The following CACNG4 variants were observed in gnomAD, a reference collection of about 807,000 sequenced individuals.
CACNG4 encodes the protein voltage-dependent calcium channel gamma-4 subunit.
A neutral mutation model predicts 22.9 loss-of-function variants in CACNG4; 8 were observed. That is an observed-to-expected ratio of 0.35 (90% CI 0.21 to 0.63). The LOEUF (loss-of-function observed/expected upper bound fraction) is 0.63, where lower values mean the gene tolerates loss of function less well. CACNG4 is among the 30% of genes least tolerant of loss of function. CACNG4 has a pLI of 0.72. For synonymous variants in CACNG4, 188 were observed against 191.9 expected (o/e 0.98, Z 0.17); for missense variants, 357 against 455.4 (o/e 0.78, Z 1.97).
chr17:66,965,706 A>C (rs2143262992), intron 1 of CACNG4, among the ~76,000 whole-genome samples: 1 of 143,688 alleles, frequency 7.0e-6, no homozygotes, highest in South Asian at 2.3e-4. Flanking sequence ...GTGGGGGCAG[A>C]AGTAGGGGCA....
intron 1 of CACNG4, among the ~76,000 whole-genome samples, chr17:66,971,001 C>T (rs2035200745): frequency 6.6e-6 from 1 of 152,206 alleles, no homozygotes; most frequent in African/African-American, 2.4e-5. Flanking sequence ...GGCCTCAGGT[C>T]ACCAGACCCT....
Position 66,975,773 on chromosome 17 carries a change from G to C in CACNG4, c.220+10642G>C, listed in dbSNP as rs147577020. 4.3e-3 allele frequency among the ~76,000 whole-genome samples: 662 copies of C among 152,314 alleles called. 10 individuals carry two copies. Among genetic ancestry groups the C allele is most frequent in the Admixed American group, 0.022 (344 of 15,296 alleles). On this transcript the variant is annotated intron_variant, in intron 1 of 3. Coordinates refer to ENST00000262138, the MANE Select transcript of CACNG4 (RefSeq NM_014405.4). ...TTTCCTCACCTCTCAGAGGCAGGGC[G>C]TTCTGAATGGCTCCTGTGAACTGCA...
chr17:66,972,931 CA>C (rs1567749044), intron 1 of CACNG4, among the ~76,000 whole-genome samples: 1 of 124,034 alleles, frequency 8.1e-6, no homozygotes, highest in Non-Finnish European at 1.6e-5. Context: ...GTCTCAAAAA[CA>C]AAAACAAAAA....
rs549836560 is a variant in CACNG4, at chr17:67,030,229, T to C, written c.446-237T>C. Among the ~76,000 whole-genome samples the C allele has an allele frequency of 6.6e-6, 1 of 152,266 alleles. No homozygotes were observed. The highest frequency in any genetic ancestry group is 2.4e-5 in the African/African-American group (1 of 41,546). ...ACGAAAGAAGACAACAGTAGTTGCC[T>C]TAAAGAGGGGAACTGGGGGCTGAGA... On this transcript the variant is annotated intron_variant, in intron 3 of 3. Coordinates refer to ENST00000262138, the MANE Select transcript of CACNG4 (RefSeq NM_014405.4). The surrounding 1 kb of genome is among the most constrained non-coding windows in gnomAD (Gnocchi z 6.4).
intron 1 of CACNG4, among the ~76,000 whole-genome samples, chr17:66,974,896 G>A (rs1444103876): frequency 2.0e-5 from 3 of 152,050 alleles, no homozygotes; most frequent in African/African-American, 2.4e-5. Context: ...ATGGCTTTGC[G>A]GTGCATGGGC....
intron 1 of CACNG4, among the ~76,000 whole-genome samples, chr17:66,996,466 G>A (rs995595640): frequency 1.4e-5 from 2 of 143,000 alleles, no homozygotes; most frequent in East Asian, 2.1e-4. Flanking sequence ...TGCAACCTCC[G>A]CCTCCCAGGT....
Position 67,007,885 on chromosome 17 carries a change from T to C in CACNG4, c.221-10304T>C, listed in dbSNP as rs372822238. ...AGGGACCCAGGCTTCCTTCATCCCATGGCAGGTTGGGAGGGAGTGGAGATG... is the reference window on the plus strand; with the variant it reads ...AGGGACCCAGGCTTCCTTCATCCCACGGCAGGTTGGGAGGGAGTGGAGATG... On this transcript the variant is annotated intron_variant, in intron 1 of 3. Coordinates refer to ENST00000262138, the MANE Select transcript of CACNG4 (RefSeq NM_014405.4). 1.4e-4 allele frequency among the ~76,000 whole-genome samples: 22 copies of C among 152,240 alleles called. No individual in the cohort carries two copies. In the East Asian group the frequency reaches 4.2e-3, roughly 29 times the overall value.
intron 1 of CACNG4, among the ~76,000 whole-genome samples, chr17:66,987,469 A>C (rs976419156): frequency 6.6e-6 from 1 of 152,180 alleles, no homozygotes; most frequent in Non-Finnish European, 1.5e-5. Flanking sequence ...AGGAAAACAG[A>C]AACCACTCTG....
At chr17:66,985,969 GA>G (rs767097440) in intron 1 of CACNG4, among the ~76,000 whole-genome samples, 2,218 of 152,190 alleles carry the variant, frequency 0.015, 30 homozygotes, top group Middle Eastern at 0.052. Context: ...AGAAGAAGAA[GA>G]AGAAGGTTCC....
chr17:67,030,469 TCAG>T lies in CACNG4; in HGVS notation c.450_452del (p.Ser151del). ...CCGCTCCCCGCTTCCCTTTCAGGCC[TCAG>T]TAACATCATCGGTATCATCGTCTAC... On this transcript the variant is annotated inframe_deletion, in exon 4 of 4. Transcript: ENST00000262138. The surrounding 1 kb of genome is among the most constrained non-coding windows in gnomAD (Gnocchi z 6.4). 1 of 1,612,756 alleles carries T rather than the reference TCAG, an allele frequency of 6.2e-7. No homozygotes were observed. Among genetic ancestry groups the T allele is most frequent in the Non-Finnish European group, 8.5e-7 (1 of 1,178,976 alleles).
chr17:66,965,566 G>A (rs1345870997), intron 1 of CACNG4, among the ~76,000 whole-genome samples: 13 of 150,556 alleles, frequency 8.6e-5, no homozygotes, highest in East Asian at 6.0e-4. Flanking sequence ...GCGGACGGGA[G>A]GGGGGGAGGG....
chr17:67,002,073 T>C (rs1394124909), intron 1 of CACNG4, among the ~76,000 whole-genome samples: 1 of 152,164 alleles, frequency 6.6e-6, no homozygotes, highest in African/African-American at 2.4e-5. Context: ...CATACTGCTA[T>C]GAAGAAATAC....
intron 1 of CACNG4, among the ~76,000 whole-genome samples, chr17:66,978,967 G>A (rs2035254804): frequency 6.6e-6 from 1 of 152,210 alleles, no homozygotes; most frequent in Non-Finnish European, 1.5e-5. Flanking sequence ...CGGCCTTGAG[G>A]TTCAGTCTCT....
At position 67,031,927 on chromosome 17, in the gene CACNG4, G is replaced by A. The variant is rs568443116; in HGVS notation, c.*923G>A. On this transcript the variant is annotated 3_prime_UTR_variant, in exon 4 of 4. Transcript: ENST00000262138. This position sits in a 1 kb window ranked among gnomAD's most constrained non-coding sequence, Gnocchi z 4.0. ...CCCTCCAACTGGCATTTGGCAACAGGAGCCTGGACTTCTGTGCAAGAAAGG... is the reference window on the plus strand; with the variant it reads ...CCCTCCAACTGGCATTTGGCAACAGAAGCCTGGACTTCTGTGCAAGAAAGG... The A allele has an allele frequency of 1.1e-4, 52 of 456,608 alleles. No individual in the cohort carries two copies. The highest frequency in any genetic ancestry group is 2.1e-4 in the Non-Finnish European group (48 of 226,990). The allele number at this position is 456,608 out of a possible 1,614,324, so 28.3% of individuals were successfully genotyped here. A position where few individuals can be genotyped will look rare whatever the true frequency, so the allele number is the denominator to read the frequency against.
At chr17:66,996,670 C>T (rs749457680) in intron 1 of CACNG4, among the ~76,000 whole-genome samples, 8 of 152,094 alleles carry the variant, frequency 5.3e-5, no homozygotes, top group East Asian at 1.9e-4. Flanking sequence ...CATGAGCCAG[C>T]GTGCCCAGCC....
At chr17:67,014,730 A>C (rs1470804839) in intron 1 of CACNG4, among the ~76,000 whole-genome samples, 1 of 152,170 alleles carries the variant, frequency 6.6e-6, no homozygotes, top group Non-Finnish European at 1.5e-5. Flanking sequence ...TGAGGTCAGA[A>C]GTTCAAGACC....
intron 1 of CACNG4, among the ~76,000 whole-genome samples, chr17:66,999,913 G>A (rs769494065): frequency 9.2e-5 from 14 of 152,196 alleles, no homozygotes; most frequent in Admixed American, 3.9e-4. Flanking sequence ...TTATTTAGAC[G>A]AATTAGAGAG....
At chr17:66,983,343 G>T (rs1380476752) in intron 1 of CACNG4, among the ~76,000 whole-genome samples, 1 of 152,240 alleles carries the variant, frequency 6.6e-6, no homozygotes, top group Non-Finnish European at 1.5e-5. Context: ...TGGGGAAAAG[G>T]CGAGGTTGTG....
intron 1 of CACNG4, among the ~76,000 whole-genome samples, chr17:66,982,064 C>T (rs888044794): frequency 1.3e-5 from 2 of 152,144 alleles, no homozygotes; most frequent in South Asian, 2.1e-4. Flanking sequence ...AAGAATGAAG[C>T]CATGGACGTT....
Sources: gnomAD v4.1 joint callset for allele counts (sites outside exome capture counted in the v4.1 genomes callset) on GRCh38, gnomAD v4.1.1 for gene constraint, Gnocchi (gnomAD v3.1) non-coding constraint, MANE v1.5 for transcripts, NCBI Gene and HGNC (gene_info 2026-07-23, HGNC 2026-07-21) for gene names.